Variants in PPP2R3A observed in about 807,000 individuals in gnomAD.
PPP2R3A encodes the protein serine/threonine-protein phosphatase 2A regulatory subunit B'' subunit alpha.
Under a neutral mutation model 106.9 loss-of-function variants are expected in PPP2R3A, and 80 were observed. That is an observed-to-expected ratio of 0.75 (90% CI 0.62 to 0.90). The LOEUF (loss-of-function observed/expected upper bound fraction) is 0.90. Ranked by LOEUF, PPP2R3A falls within the 40% of genes least tolerant of loss-of-function variation. PPP2R3A has a pLI of 0.00. For synonymous variants in PPP2R3A, 483 were observed against 468.3 expected (o/e 1.03, Z -0.41); for missense variants, 1,386 against 1,350.4 (o/e 1.03, Z -0.41).
At chr3:136,072,385 C>T (rs899388534) in intron 6 of PPP2R3A, among the ~76,000 whole-genome samples, 1 of 152,106 alleles carries the variant, frequency 6.6e-6, no homozygotes, top group African/African-American at 2.4e-5. Flanking sequence ...TGAGGCGAGA[C>T]ATTCAAGACC....
rs566307564 is a variant in PPP2R3A at position 136,016,008 on chromosome 3, A to G, written c.1996-10824A>G. 1.6e-4 allele frequency among the ~76,000 whole-genome samples: 24 copies of G among 152,172 alleles called. 1 individual carries two copies. The South Asian group carries it at 4.6e-3, about 29-fold the overall frequency. On this transcript the variant is annotated intron_variant, in intron 2 of 13. Transcript: ENST00000264977. ...TTTGCTGTATCCCCGAGGTTTTGAT[A>G]GGTTGTGTCACTATTATTGTCTGGC...
At chr3:136,102,236 C>A in intron 11 of PPP2R3A, 54 bp downstream of exon 11, 3 of 1,565,816 alleles carry the variant, frequency 1.9e-6, no homozygotes, top group Non-Finnish European at 2.6e-6. Flanking sequence ...CAGAGGAGGG[C>A]AAAGAATCCT....
chr3:136,094,397 T>TA (rs35428948), intron 10 of PPP2R3A, among the ~76,000 whole-genome samples: 2 of 151,862 alleles, frequency 1.3e-5, no homozygotes, highest in African/African-American at 4.8e-5. Flanking sequence ...TAAGCCTGTT[T>TA]AAAAAAAAGA....
At position 136,147,843 on chromosome 3, in the gene PPP2R3A, A is replaced by G. The variant is rs1170148883; in HGVS notation, c.*2677A>G. 6.6e-6 allele frequency: 1 copy of G among 152,222 alleles called. No individual in the cohort carries two copies. The highest frequency in any genetic ancestry group is 2.4e-5 in the African/African-American group (1 of 41,464). 9.4% of individuals were successfully genotyped at this position (152,222 alleles called of 1,614,324 possible). A position where few individuals can be genotyped will look rare whatever the true frequency, so the allele number is the denominator to read the frequency against. Reference sequence around the variant, plus strand: ...TTAAGATGTGTTTGGAGAAGGCTGCATGACTTTGTTTTTCCCTTTTAGCAA... The same window carrying G: ...TTAAGATGTGTTTGGAGAAGGCTGCGTGACTTTGTTTTTCCCTTTTAGCAA... On this transcript the variant is annotated 3_prime_UTR_variant, in exon 14 of 14. Transcript: ENST00000264977.
intron 9 of PPP2R3A, 92 bp from the exon 10 acceptor site, chr3:136,090,486 A>G: frequency 9.8e-7 from 1 of 1,018,064 alleles, no homozygotes; most frequent in Non-Finnish European, 1.5e-6. Flanking sequence ...AAAAATTTTA[A>G]CTGACATACT....
intron 4 of PPP2R3A, among the ~76,000 whole-genome samples, chr3:136,041,842 C>A (rs1935299460): frequency 6.6e-6 from 1 of 152,186 alleles, no homozygotes; most frequent in African/African-American, 2.4e-5. Flanking sequence ...TCAAACCCAA[C>A]ATCTTTCTTC....
chr3:136,081,914 A>G (rs1229482797), intron 7 of PPP2R3A, among the ~76,000 whole-genome samples: 1 of 152,224 alleles, frequency 6.6e-6, no homozygotes, highest in Non-Finnish European at 1.5e-5. Context: ...GAAAATTAAA[A>G]ACAGTATTTG....
intron 6 of PPP2R3A, among the ~76,000 whole-genome samples, chr3:136,075,719 T>C (rs1317010228): frequency 6.6e-6 from 1 of 152,164 alleles, no homozygotes; most frequent in Non-Finnish European, 1.5e-5. Context: ...TATTTGAGTA[T>C]ATAAATATAA....
At chr3:135,992,692 C>T (rs1275010618) in intron 1 of PPP2R3A, among the ~76,000 whole-genome samples, 1 of 152,182 alleles carries the variant, frequency 6.6e-6, no homozygotes, top group Non-Finnish European at 1.5e-5. Flanking sequence ...TTTCAGTACA[C>T]ATTCAGGAGA....
At chr3:136,112,226 C>G (rs984689409) in intron 13 of PPP2R3A, among the ~76,000 whole-genome samples, 14 of 152,096 alleles carry the variant, frequency 9.2e-5, no homozygotes, top group African/African-American at 3.1e-4. Flanking sequence ...CCCTTGAGAC[C>G]CAGAAGAAGA....
intron 5 of PPP2R3A, among the ~76,000 whole-genome samples, chr3:136,054,310 G>C (rs1479602918): frequency 7.4e-6 from 1 of 135,706 alleles, no homozygotes; most frequent in Non-Finnish European, 1.5e-5. Flanking sequence ...CCAGGCTGGA[G>C]TGCAGTGGCA....
chr3:136,027,122 A>G, intron 3 of PPP2R3A, 24 bp downstream of exon 3: 2 of 1,589,036 alleles, frequency 1.3e-6, no homozygotes, highest in Non-Finnish European at 1.7e-6. Flanking sequence ...TAAATGATTT[A>G]CAATCTCCCC....
chr3:135,976,952 T>C (rs918812746), intron 1 of PPP2R3A, among the ~76,000 whole-genome samples: 1 of 152,184 alleles, frequency 6.6e-6, no homozygotes, highest in African/African-American at 2.4e-5. Context: ...TTCTCATATG[T>C]GCATAAGTTG....
At chr3:136,086,480 A>G (rs988554538) in intron 8 of PPP2R3A, among the ~76,000 whole-genome samples, 1 of 152,108 alleles carries the variant, frequency 6.6e-6, no homozygotes, top group African/African-American at 2.4e-5. Flanking sequence ...AGAAGGGGCC[A>G]CTGAATACTC....
At chr3:136,093,811 G>T (rs909457414) in intron 10 of PPP2R3A, among the ~76,000 whole-genome samples, 3 of 152,198 alleles carry the variant, frequency 2.0e-5, no homozygotes, top group African/African-American at 7.2e-5. Context: ...GTAAAATGGT[G>T]CAGCCGTTAC....
At position 136,055,226 on chromosome 3, in the gene PPP2R3A, ATACT is replaced by A. The variant is rs1935819863; in HGVS notation, c.2469+5867_2469+5870del. ...GCAAGATAAAATTAAAAAGCCAGAC[ATACT>A]TTCTATCAAGCTGCGTAAAAAGAAA... On this transcript the variant is annotated intron_variant, in intron 5 of 13. Transcript: ENST00000264977. The A allele has an allele frequency of 7.7e-6, 6 of 778,564 alleles. No homozygotes were observed. In the Admixed American group the frequency reaches 1.2e-4, roughly 16 times the overall value. 48.2% of individuals were successfully genotyped at this position (778,564 alleles called of 1,614,324 possible).
intron 1 of PPP2R3A, among the ~76,000 whole-genome samples, chr3:136,000,435 G>A (rs1466338266): frequency 1.3e-5 from 2 of 152,138 alleles, no homozygotes; most frequent in Non-Finnish European, 2.9e-5. Context: ...ACTTGATGCA[G>A]AGAGAGAGAT....
At chr3:135,977,720 A>G (rs1332283791) in intron 1 of PPP2R3A, among the ~76,000 whole-genome samples, 3 of 83,682 alleles carry the variant, frequency 3.6e-5, no homozygotes, top group South Asian at 4.1e-4. Flanking sequence ...TTTTTTTGAG[A>G]TAAGAGTCTC....
Position 136,128,344 on chromosome 3 carries a change from A to C in PPP2R3A, c.3330-16699A>C, listed in dbSNP as rs182013914. 1.9e-3 allele frequency among the ~76,000 whole-genome samples: 296 copies of C among 151,954 alleles called. 2 individuals carry two copies. Among genetic ancestry groups the C allele is most frequent in the African/African-American group, 7.0e-3 (289 of 41,496 alleles). ...ATCTACCAAGCAAATGGAAAGCAAA[A>C]AAAAAAAAAAGGAGGGGTTGCATCA... On this transcript the variant is annotated intron_variant, in intron 13 of 13. Coordinates refer to ENST00000264977, the MANE Select transcript of PPP2R3A (RefSeq NM_002718.5).
Sources: allele counts gnomAD v4.1 joint callset (sites outside exome capture counted in the v4.1 genomes callset), GRCh38; gene constraint gnomAD v4.1.1; transcripts MANE v1.5; gene names NCBI Gene and HGNC (gene_info 2026-07-23, HGNC 2026-07-21).